Variants in GNAS observed in about 807,000 individuals in gnomAD.
GNAS encodes GNAS complex locus.
A neutral mutation model predicts 54.5 loss-of-function variants in GNAS; 8 were observed. The ratio of observed to expected loss-of-function variants is 0.15; its 90% CI spans 0.09 to 0.26. GNAS has a LOEUF of 0.26. GNAS is among the 10% of genes least tolerant of loss of function. The pLI, the probability that GNAS is intolerant of heterozygous loss-of-function variation, is 1.00. For synonymous variants in GNAS, 204 were observed against 191.4 expected (o/e 1.07, Z -0.54); for missense variants, 170 against 529.8 (o/e 0.32, Z 6.67).
rs143770083 is a variant in GNAS, at chr20:58,883,959, C to T, written c.44-11653C>T. ...CTAAAACGTGTGGGCAAACACAAAACGATGAAAAGGTATCTACATTTCTAG... is the reference window on the plus strand; with the variant it reads ...CTAAAACGTGTGGGCAAACACAAAATGATGAAAAGGTATCTACATTTCTAG... On this transcript the variant is annotated intron_variant, in intron 1 of 12. Coordinates refer to the GNAS transcript ENST00000306090. Among the ~76,000 whole-genome samples, 859 of 152,310 alleles carry T rather than the reference C, an allele frequency of 5.6e-3. 8 individuals carry two copies. The highest frequency in any genetic ancestry group is 8.1e-3 in the Non-Finnish European group (553 of 68,030).
In GNAS at chr20:58,911,049, C is replaced by G. The variant is rs947449158; in HGVS notation, c.*220C>G. On this transcript the variant is annotated 3_prime_UTR_variant, in exon 13 of 13. Coordinates refer to ENST00000371085, the MANE Select transcript of GNAS (RefSeq NM_000516.7). ...CCTACAGAAAAAGGAAAAAAGGCCA[C>G]AAAAGTTCCCTCTCACTTTCAGTAA... 1 of 675,170 alleles carries G rather than the reference C, an allele frequency of 1.5e-6. No individual in the cohort carries two copies. The highest frequency in any genetic ancestry group is 2.7e-6 in the Non-Finnish European group (1 of 370,122). The allele number at this position is 675,170 out of a possible 1,614,324, so 41.8% of individuals were successfully genotyped here.
intron 1 of GNAS, among the ~76,000 whole-genome samples, chr20:58,849,879 T>G (rs756740021): frequency 6.6e-6 from 1 of 152,214 alleles, no homozygotes; most frequent in Non-Finnish European, 1.5e-5. Flanking sequence ...TTCCTAAAAG[T>G]AGGCTCAAAT....
intron 1 of GNAS, chr20:58,854,205 G>GC (rs753014659): frequency 6.2e-7 from 1 of 1,612,948 alleles, no homozygotes; most frequent in African/African-American, 1.3e-5. Context: ...GATTGGCAGC[G>GC]CCCCCGCTGG....
At chr20:58,905,780 A>G (rs1395182317) in intron 6 of GNAS, among the ~76,000 whole-genome samples, 1 of 152,210 alleles carries the variant, frequency 6.6e-6, no homozygotes, top group African/African-American at 2.4e-5. Context: ...AATTGAATTG[A>G]CCCTAAGCAT....
chr20:58,855,717 T>G, intron 1 of GNAS: 1 of 633,832 alleles, frequency 1.6e-6, no homozygotes, highest in Non-Finnish European at 2.9e-6. Context: ...GGGTCCACGG[T>G]GGGCTGGGGT....
intron 1 of GNAS, chr20:58,855,645 G>GC: frequency 2.8e-6 from 2 of 714,786 alleles, no homozygotes; most frequent in Middle Eastern, 4.7e-4. Flanking sequence ...GGGGCTTCAG[G>GC]TGAGCCAGGA....
rs761769554 is a variant in GNAS, at chr20:58,909,177, C to T, written c.546C>T (p.Ile182=). 4 of 1,613,854 alleles carry T rather than the reference C, an allele frequency of 2.5e-6. No homozygotes were observed. Among genetic ancestry groups the T allele is most frequent in the Middle Eastern group, 1.6e-4 (1 of 6,082 alleles). The change falls in exon 7 of 13, where the codon ATC becomes ATT. Residue 182 remains isoleucine, a synonymous_variant. Transcript: ENST00000371085. The surrounding 1 kb of genome is among the most constrained non-coding windows in gnomAD (Gnocchi z 7.3). The stretch of plus-strand genomic sequence containing the variant: ...TTTCTCCCAGCTTCCTGGACAAGAT[C>T]GACGTGATCAAGCAGGCTGACTATG... ...IDCAQYFLDK[I]DVIKQADYVP... is the part of the protein sequence containing the mutation.
At chr20:58,850,683 C>T (rs1308396406) in intron 1 of GNAS, 1 of 398,928 alleles carries the variant, frequency 2.5e-6, no homozygotes, top group Non-Finnish European at 4.4e-6. Flanking sequence ...AGTGGCACCC[C>T]GTTGGCTGGG....
At chr20:58,870,219 C>T (rs2087350107) in intron 1 of GNAS, among the ~76,000 whole-genome samples, 1 of 152,218 alleles carries the variant, frequency 6.6e-6, no homozygotes, top group Admixed American at 6.5e-5. Context: ...CCCTCCCACC[C>T]ATCTATTTAA....
At chr20:58,874,444 T>C (rs1479870492) in intron 1 of GNAS, among the ~76,000 whole-genome samples, 1 of 152,236 alleles carries the variant, frequency 6.6e-6, no homozygotes, top group African/African-American at 2.4e-5. Flanking sequence ...CTAGGATTAG[T>C]GTTTTGAGAG....
upstream of GNAS, chr20:58,840,468 C>CCGAGACCGACTT: frequency 1.2e-6 from 2 of 1,613,452 alleles, no homozygotes; most frequent in Non-Finnish European, 1.7e-6. The surrounding 1 kb of genome is among the most constrained non-coding windows in gnomAD (Gnocchi z 6.0). Flanking sequence ...GAAATCGAGT[C>CCGAGACCGACTT]CGAGACCGAC....
chr20:58,909,619 T>C lies in GNAS; in HGVS notation c.718+40T>C. 1 of 1,614,180 alleles carries C rather than the reference T, an allele frequency of 6.2e-7. No homozygotes were observed. On this transcript the variant is annotated intron_variant, in intron 9 of 12. Transcript: ENST00000371085. This position sits in a 1 kb window ranked among gnomAD's most constrained non-coding sequence, Gnocchi z 7.3. ...GCTTGGCTGTTCGTAAAGAACGCTT[T>C]GCTTCTGTGTTGTTAGGGATCAGGG...
At chr20:58,899,295 TC>T (rs1161109786) in intron 3 of GNAS, among the ~76,000 whole-genome samples, 2 of 152,194 alleles carry the variant, frequency 1.3e-5, no homozygotes, top group Non-Finnish European at 1.5e-5. Flanking sequence ...GTTTCTGTTT[TC>T]CCCCAGCTCT....
intron 1 of GNAS, among the ~76,000 whole-genome samples, chr20:58,869,397 T>G (rs897562009): frequency 6.6e-6 from 1 of 152,220 alleles, no homozygotes; most frequent in African/African-American, 2.4e-5. Flanking sequence ...TCTGTTGTCC[T>G]TTGGTAAATA....
chr20:58,840,527 C>A (rs1157657737), upstream of GNAS: 1 of 1,613,592 alleles, frequency 6.2e-7, no homozygotes, highest in Non-Finnish European at 8.5e-7. This position sits in a 1 kb window ranked among gnomAD's most constrained non-coding sequence, Gnocchi z 6.0. Flanking sequence ...CGAGACCGAG[C>A]CTGAAGACGA....
At chr20:58,878,098 G>A (rs148154167) in intron 1 of GNAS, among the ~76,000 whole-genome samples, 1 of 152,226 alleles carries the variant, frequency 6.6e-6, no homozygotes, top group East Asian at 1.9e-4. Context: ...GGAAGTGCAG[G>A]CTGTGTTGAG....
chr20:58,901,661 A>G (rs1178901116), intron 3 of GNAS, among the ~76,000 whole-genome samples: 1 of 151,898 alleles, frequency 6.6e-6, no homozygotes, highest in Non-Finnish European at 1.5e-5. Context: ...TGACCTGTGA[A>G]AGGGGCTTCA....
At chr20:58,893,241 C>CT (rs2089689909) in intron 1 of GNAS, among the ~76,000 whole-genome samples, 1 of 144,648 alleles carries the variant, frequency 6.9e-6, no homozygotes, top group South Asian at 2.1e-4. Context: ...GATTTTTCCT[C>CT]TGATTAAAAA....
Position 58,853,141 on chromosome 20 carries a change from G to A in GNAS, c.43+12255G>A. ...CAACCTCACAAGGGTTGGAAAGTGA[G>A]GCCGGTGAACTTTCCAGCTGGTACT... On this transcript the variant is annotated intron_variant, in intron 1 of 12. Coordinates refer to the GNAS transcript ENST00000306090. This position sits in a 1 kb window ranked among gnomAD's most constrained non-coding sequence, Gnocchi z 4.4. 1.4e-6 allele frequency: 2 copies of A among 1,433,918 alleles called. No homozygotes were observed. The highest frequency in any genetic ancestry group is 5.0e-5 in the East Asian group (2 of 39,856). 88.8% of individuals were successfully genotyped at this position (1,433,918 alleles called of 1,614,324 possible).
Sources: allele counts gnomAD v4.1 joint callset (sites outside exome capture counted in the v4.1 genomes callset), GRCh38; gene constraint gnomAD v4.1.1; non-coding constraint Gnocchi (gnomAD v3.1); transcripts MANE v1.5; gene names NCBI Gene and HGNC (gene_info 2026-07-23, HGNC 2026-07-21).